Variants in PABIR3 observed in about 807,000 individuals in gnomAD.
PABIR3 encodes PABIR family member 3, also known as PABIR family member 1.
In PABIR3, 20 loss-of-function variants were observed where a neutral mutation model predicts 23.1. The observed-to-expected ratio is 0.86, with a 90% confidence interval of 0.61 to 1.26. The LOEUF (loss-of-function observed/expected upper bound fraction) is 1.26, where lower values mean the gene tolerates loss of function less well. Among genes scored for constraint, PABIR3 ranks in the 50% most tolerant of loss-of-function variants. The pLI is 0.00. For synonymous variants in PABIR3, 69 were observed against 68.5 expected, an observed-to-expected ratio of 1.01 and a Z score of -0.04; for missense variants, 189 against 195.4, an observed-to-expected ratio of 0.97 and a Z score of 0.20.
At chrX:134,809,452 A>G in intron 2 of PABIR3, 10 of 747,296 alleles carry the variant, frequency 1.3e-5, no homozygotes, top group Non-Finnish European at 1.6e-5. Flanking sequence ...GGCGTGAGCC[A>G]CTGCGCCTGG....
chrX:134,811,119 GT>G lies in PABIR3; in HGVS notation c.110+3415del, dbSNP rs1371212182. ...ATCAACTCTTTAATACAGTATTACTGTTTTAAAGAAGTATCTGCACTGTTTT... is the reference window on the plus strand; with the variant it reads ...ATCAACTCTTTAATACAGTATTACTGTTTAAAGAAGTATCTGCACTGTTTT... On this transcript the variant is annotated intron_variant, in intron 2 of 10. Coordinates refer to ENST00000645433, the MANE Select transcript of PABIR3 (RefSeq NM_001388447.1). The G allele has an allele frequency of 4.0e-6, 3 of 747,550 alleles. No individual in the cohort carries two copies. The African/African-American group carries it at 7.0e-5, about 17-fold the overall frequency. 61.6% of individuals were successfully genotyped at this position (747,550 alleles called of 1,213,427 possible). A position where few individuals can be genotyped will look rare whatever the true frequency, so the allele number is the denominator to read the frequency against.
At chrX:134,797,306 G>A (rs1458985880) in intron 1 of PABIR3, 2 of 113,533 alleles carry the variant, frequency 1.8e-5, no homozygotes, top group Non-Finnish European at 3.7e-5. Flanking sequence ...GCGTTTCCAG[G>A]GGGCCCGGCG....
At chrX:134,816,291 T>A (rs1303124592) in intron 3 of PABIR3, among the ~76,000 whole-genome samples, 2 of 112,339 alleles carry the variant, frequency 1.8e-5, no homozygotes, top group Non-Finnish European at 3.8e-5. Flanking sequence ...AGTAGGATTT[T>A]ATGTTGATTC....
At chrX:134,811,942 G>A (rs750552859) in intron 2 of PABIR3, among the ~76,000 whole-genome samples, 11 of 112,295 alleles carry the variant, frequency 9.8e-5, no homozygotes, top group East Asian at 2.8e-4. Context: ...CTGGCCCTTC[G>A]CAGAAAAAGT....
intron 10 of PABIR3, among the ~76,000 whole-genome samples, chrX:134,853,308 T>C (rs1046388142): frequency 1.8e-5 from 2 of 111,828 alleles, no homozygotes; most frequent in East Asian, 2.8e-4. Flanking sequence ...GCTCAAGCAA[T>C]CCGCTTGCCT....
the PABIR3 span, among the ~76,000 whole-genome samples, chrX:134,863,087 G>T: frequency 9.0e-6 from 1 of 111,235 alleles, no homozygotes; most frequent in Non-Finnish European, 1.9e-5. Flanking sequence ...ACTCAGAAAT[G>T]ACCACAACAC....
chrX:134,805,902 A>C (rs776866098), upstream of PABIR3, among the ~76,000 whole-genome samples: 58 of 111,633 alleles, frequency 5.2e-4, no homozygotes, highest in African/African-American at 1.9e-3. Context: ...CGTCTCAAAA[A>C]AAAAAAAATG....
chrX:134,809,501 A>G (rs1176620746), intron 2 of PABIR3: 1 of 753,507 alleles, frequency 1.3e-6, no homozygotes, highest in African/African-American at 2.3e-5. Flanking sequence ...TTAAAATGAG[A>G]TGTTGGATTT....
intron 2 of PABIR3, among the ~76,000 whole-genome samples, chrX:134,813,752 G>A (rs1231046160): frequency 9.0e-6 from 1 of 111,136 alleles, no homozygotes; most frequent in Non-Finnish European, 1.9e-5. Flanking sequence ...ACAGCGGGAC[G>A]ACATCTCTGA....
At chrX:134,838,525 G>A (rs1464771254) in intron 4 of PABIR3, among the ~76,000 whole-genome samples, 10 of 108,317 alleles carry the variant, frequency 9.2e-5, no homozygotes, top group South Asian at 4.1e-4. Context: ...GGATGGTCTC[G>A]ATCTCCTGAC....
downstream of PABIR3, among the ~76,000 whole-genome samples, chrX:134,855,715 G>A (rs2082746299): frequency 9.0e-6 from 1 of 111,663 alleles, no homozygotes. Flanking sequence ...GAACTGATCA[G>A]AATTGATATA....
chrX:134,817,764 T>C (rs1180508497), intron 3 of PABIR3, among the ~76,000 whole-genome samples: 1 of 110,867 alleles, frequency 9.0e-6, no homozygotes, highest in Non-Finnish European at 1.9e-5. Flanking sequence ...CTTCAAGTCA[T>C]GTTAAGTATT....
chrX:134,839,738 G>A (rs1174267158), intron 4 of PABIR3: 1 of 111,939 alleles, frequency 8.9e-6, no homozygotes, highest in African/African-American at 3.4e-5. Flanking sequence ...GAGGGAGGTG[G>A]GGGGGTCAGC....
chrX:134,845,401 G>A lies in PABIR3; in HGVS notation c.345G>A (p.Leu115=), dbSNP rs770497490. 1 of 1,191,992 alleles carries A rather than the reference G, an allele frequency of 8.4e-7. No individual in the cohort carries two copies. The highest frequency in any genetic ancestry group is 1.1e-6 in the Non-Finnish European group (1 of 885,123). The change falls in exon 6 of 11, where the codon CTG becomes CTA. Residue 115 remains leucine, a splice_region_variant and synonymous_variant. Transcript: ENST00000645433. ...ACTCTTGGGAAGAAGGCTTGAAACT[G>A]GTATGATATTATAACTTCAGTTTTG... ...ISHSWEEGLK[L]NDNGLQKSSS... is the part of the protein sequence containing the mutation.
intron 9 of PABIR3, among the ~76,000 whole-genome samples, chrX:134,850,492 C>T (rs954788975): frequency 1.3e-4 from 15 of 111,353 alleles, no homozygotes; most frequent in African/African-American, 4.9e-4. Flanking sequence ...GGGTCTTTTA[C>T]CTGTGCTGTG....
At chrX:134,818,501 C>T (rs2081097348) in intron 3 of PABIR3, among the ~76,000 whole-genome samples, 1 of 111,752 alleles carries the variant, frequency 8.9e-6, no homozygotes, top group Non-Finnish European at 1.9e-5. Flanking sequence ...GCTGTCAAGC[C>T]GTCAAACAGA....
rs533065052 is a variant in PABIR3, at chrX:134,808,990, G to A, written c.110+1282G>A. Among the ~76,000 whole-genome samples, 4 of 111,243 alleles carry A rather than the reference G, an allele frequency of 3.6e-5. No individual in the cohort carries two copies. In the South Asian group the frequency reaches 1.5e-3, roughly 42 times the overall value. On this transcript the variant is annotated intron_variant, in intron 2 of 10. Transcript: ENST00000645433. ...TAAAGCGCAGATATACATACAGTAT[G>A]TACACAGATATATACTATATATGTG...
chrX:134,815,056 T>G (rs2148154551), intron 3 of PABIR3, among the ~76,000 whole-genome samples: 1 of 112,216 alleles, frequency 8.9e-6, no homozygotes, highest in East Asian at 2.8e-4. Flanking sequence ...TGAGAAACAC[T>G]GCTCTAAACA....
Position 134,829,263 on chromosome X carries a change from G to A in PABIR3, c.227G>A (p.Arg76His), listed in dbSNP as rs372002517. The A allele has an allele frequency of 1.2e-5, 15 of 1,204,450 alleles. No homozygotes were observed. Among genetic ancestry groups the A allele is most frequent in the East Asian group, 5.9e-5 (2 of 33,678 alleles). Residue 76 changes from arginine to histidine, a missense_variant, in exon 4 of 11, where the codon CGC becomes CAC. Arg to His is a conservative substitution (Grantham distance 29). Transcript: ENST00000645433. ...PPPPFHGSISRLHQIKQEEAM... is the reference protein window; with the variant it reads ...PPPPFHGSISHLHQIKQEEAM... ...CCTCCCTTTCATGGTTCCATCAGCC[G>A]CCTTCATCAAATCAAACAGGTAAGA...
Sources: allele counts gnomAD v4.1 joint callset (sites outside exome capture counted in the v4.1 genomes callset), GRCh38; gene constraint gnomAD v4.1.1; transcripts MANE v1.5; gene names NCBI Gene and HGNC (gene_info 2026-07-23, HGNC 2026-07-21).